Variants in UNC5C observed in about 807,000 individuals in gnomAD.
UNC5C encodes the protein unc-5 netrin receptor C, also known as netrin receptor UNC5C.
Under a neutral mutation model 99.8 loss-of-function variants are expected in UNC5C, and 47 were observed. The observed-to-expected ratio is 0.47, with a 90% confidence interval of 0.37 to 0.60. The LOEUF (loss-of-function observed/expected upper bound fraction) is 0.60, where lower values mean the gene tolerates loss of function less well. UNC5C is among the 20% of genes least tolerant of loss of function. UNC5C has a pLI of 0.00. For synonymous variants in UNC5C, 487 were observed against 452.2 expected, an observed-to-expected ratio of 1.08 and a Z score of -0.98; for missense variants, 1,062 against 1,165.9, an observed-to-expected ratio of 0.91 and a Z score of 1.30.
rs1237128257 is a variant in UNC5C at position 95,482,451 on chromosome 4, C to T, written c.124+66283G>A. ...TCAACCATTGTGGAAGTCAGTGTGG[C>T]GATTCCTCAGGGATCTAGAACTAGA... On this transcript the variant is annotated intron_variant, in intron 1 of 15. Coordinates refer to ENST00000453304, the MANE Select transcript of UNC5C (RefSeq NM_003728.4). 6.0e-5 allele frequency among the ~76,000 whole-genome samples: 9 copies of T among 149,614 alleles called. No individual in the cohort carries two copies. The East Asian group carries it at 1.2e-3, about 20-fold the overall frequency.
At chr4:95,539,063 A>C (rs892394676) in intron 1 of UNC5C, among the ~76,000 whole-genome samples, 1 of 152,188 alleles carries the variant, frequency 6.6e-6, no homozygotes, top group African/African-American at 2.4e-5. Flanking sequence ...AGAACAGTAC[A>C]ACTGACCTCT....
At chr4:95,417,446 A>G (rs939062676) in intron 1 of UNC5C, among the ~76,000 whole-genome samples, 7 of 152,162 alleles carry the variant, frequency 4.6e-5, no homozygotes, top group Admixed American at 3.3e-4. Flanking sequence ...TTTCACATTT[A>G]GTGAGTAGGA....
intron 1 of UNC5C, among the ~76,000 whole-genome samples, chr4:95,484,153 C>G (rs927946178): frequency 6.6e-6 from 1 of 151,736 alleles, no homozygotes; most frequent in Non-Finnish European, 1.5e-5. Flanking sequence ...TTAAGCAGAC[C>G]TACAGGAAGT....
chr4:95,289,469 C>T (rs1001047315), intron 3 of UNC5C, among the ~76,000 whole-genome samples: 1 of 152,188 alleles, frequency 6.6e-6, no homozygotes, highest in Non-Finnish European at 1.5e-5. Context: ...AATACAGCTG[C>T]TGTACTATGA....
intron 1 of UNC5C, among the ~76,000 whole-genome samples, chr4:95,415,517 T>G (rs1258452748): frequency 6.6e-6 from 1 of 152,176 alleles, no homozygotes; most frequent in African/African-American, 2.4e-5. Flanking sequence ...TGAAAATCAT[T>G]TAATGATTGA....
rs181813244 is a variant in UNC5C, at chr4:95,462,849, C to T, written c.124+85885G>A. Among the ~76,000 whole-genome samples, 9 of 152,240 alleles carry T rather than the reference C, an allele frequency of 5.9e-5. No individual in the cohort carries two copies. The East Asian group carries it at 1.7e-3, about 29-fold the overall frequency. ...CTCTAGATCCTTTGATTAAGGTAGA[C>T]AGGCAGATCACATAGTGCAAAGTCA... On this transcript the variant is annotated intron_variant, in intron 1 of 15. Coordinates refer to ENST00000453304, the MANE Select transcript of UNC5C (RefSeq NM_003728.4).
intron 12 of UNC5C, among the ~76,000 whole-genome samples, chr4:95,189,589 C>T (rs1014276974): frequency 2.0e-5 from 3 of 152,204 alleles, no homozygotes; most frequent in Admixed American, 1.3e-4. Flanking sequence ...GCAATCTACT[C>T]ATCTGACAAA....
intron 1 of UNC5C, among the ~76,000 whole-genome samples, chr4:95,497,517 T>C (rs1721661296): frequency 6.6e-6 from 1 of 151,970 alleles, no homozygotes. Flanking sequence ...GCAATCACTG[T>C]GCTGGTCTTC....
Position 95,472,295 on chromosome 4 carries a change from T to C in UNC5C, c.124+76439A>G, listed in dbSNP as rs375082195. Among the ~76,000 whole-genome samples the C allele has an allele frequency of 6.3e-4, 96 of 152,278 alleles. 1 individual carries two copies. The South Asian group carries it at 0.019, about 30-fold the overall frequency. On this transcript the variant is annotated intron_variant, in intron 1 of 15. Transcript: ENST00000453304. ...AGCCTTTCATTTCACATTTCCATCA[T>C]GAGTTTTAAATTAAAGTGTCCAAAA...
At chr4:95,472,409 G>A (rs1161993532) in intron 1 of UNC5C, among the ~76,000 whole-genome samples, 1 of 152,090 alleles carries the variant, frequency 6.6e-6, no homozygotes, top group East Asian at 1.9e-4. Flanking sequence ...GAGGGGGAGA[G>A]GAATACTCAT....
chr4:95,186,322 A>G (rs541348942), intron 12 of UNC5C, among the ~76,000 whole-genome samples: 8 of 152,350 alleles, frequency 5.3e-5, no homozygotes, highest in Admixed American at 5.2e-4. Flanking sequence ...GTGTTCATTC[A>G]GACTGTAACA....
At chr4:95,490,964 T>C (rs1721469154) in intron 1 of UNC5C, among the ~76,000 whole-genome samples, 1 of 151,632 alleles carries the variant, frequency 6.6e-6, no homozygotes, top group African/African-American at 2.4e-5. Flanking sequence ...GAACTTCTGG[T>C]AGGGAATGTT....
At chr4:95,342,954 C>T (rs3919920) in intron 1 of UNC5C, among the ~76,000 whole-genome samples, 60,433 of 151,606 alleles carry the variant, frequency 0.4, 13,680 homozygotes, top group East Asian at 0.83. Context: ...GAGGGAAGAG[C>T]GGGAGAAACT....
At chr4:95,266,993 G>T (rs1740471361) in intron 4 of UNC5C, among the ~76,000 whole-genome samples, 1 of 152,120 alleles carries the variant, frequency 6.6e-6, no homozygotes, top group South Asian at 2.1e-4. Context: ...ACCAAAGACA[G>T]ATTCCAATGT....
At chr4:95,491,658 T>A (rs17024073) in intron 1 of UNC5C, among the ~76,000 whole-genome samples, 4,607 of 151,686 alleles carry the variant, frequency 0.03, 110 homozygotes, top group African/African-American at 0.071. Context: ...AGAAATCAGA[T>A]GAGACAATGT....
At chr4:95,443,785 T>A (rs1035590630) in intron 1 of UNC5C, among the ~76,000 whole-genome samples, 1 of 152,158 alleles carries the variant, frequency 6.6e-6, no homozygotes, top group Non-Finnish European at 1.5e-5. Flanking sequence ...TTATTCTTTA[T>A]TGAATTTCTG....
intron 3 of UNC5C, among the ~76,000 whole-genome samples, chr4:95,294,123 T>C (rs1277447009): frequency 2.0e-5 from 3 of 152,238 alleles, no homozygotes; most frequent in Non-Finnish European, 2.9e-5. Context: ...TTAGACATAC[T>C]GGACTCAGTG....
At chr4:95,300,728 A>G (rs1741835667) in intron 3 of UNC5C, among the ~76,000 whole-genome samples, 1 of 152,180 alleles carries the variant, frequency 6.6e-6, no homozygotes, top group South Asian at 2.1e-4. Context: ...GCCTTAAAAC[A>G]AAAAATAAAA....
chr4:95,236,068 A>G (rs1014400094), intron 7 of UNC5C, among the ~76,000 whole-genome samples: 3 of 152,136 alleles, frequency 2.0e-5, no homozygotes, highest in Non-Finnish European at 2.9e-5. Context: ...ATTTGACCCA[A>G]CCATCCCATT....
Sources: gnomAD v4.1 joint callset for allele counts (sites outside exome capture counted in the v4.1 genomes callset) on GRCh38, gnomAD v4.1.1 for gene constraint, MANE v1.5 for transcripts, NCBI Gene and HGNC (gene_info 2026-07-23, HGNC 2026-07-21) for gene names.